The following EHBP1 variants were observed in gnomAD, a reference collection of about 807,000 sequenced individuals.
EHBP1 encodes the protein EH domain-binding protein 1.
In EHBP1, 55 loss-of-function variants were observed where a neutral mutation model predicts 144.0. The observed-to-expected ratio is 0.38, with a 90% CI of 0.31 to 0.48. The LOEUF (loss-of-function observed/expected upper bound fraction) is 0.48, where lower values mean the gene tolerates loss of function less well. Among genes scored for constraint, EHBP1 ranks in the 20% least tolerant of loss-of-function variants. The probability of loss-of-function intolerance (pLI) is 0.98; values close to 1 mark genes in which losing one functional copy is unlikely to be tolerated. For synonymous variants in EHBP1, 469 were observed against 472.7 expected (o/e 0.99, Z 0.10); for missense variants, 1,200 against 1,364.2 (o/e 0.88, Z 1.90).
intron 10 of EHBP1, among the ~76,000 whole-genome samples, chr2:62,882,258 GT>G (rs985116359): frequency 1.3e-5 from 2 of 152,162 alleles, no homozygotes; most frequent in Non-Finnish European, 2.9e-5. Context: ...TATATCACGT[GT>G]TTTTTTCCCC....
At position 62,948,548 on chromosome 2, in the gene EHBP1, G is replaced by A. The variant is rs778582026; in HGVS notation, c.1702G>A (p.Gly568Arg). The stretch of plus-strand genomic sequence containing the variant: ...GCCTGAACTACAACAGCCTATCAGC[G>A]GAGCAGTAGACTTCTTATCACAGGA... ...REPELQQPIS[G>R]AVDFLSQDDS... The change falls in exon 13 of 23, where the codon GGA becomes AGA. Residue 568 changes from glycine to arginine, a missense_variant. Physicochemically the swap from Gly to Arg is moderately radical, Grantham distance 125. This residue lies in a region of EHBP1 where 543 missense variants were observed against 513.1 expected (regional missense o/e 1.06). Coordinates refer to ENST00000431489, the MANE Select transcript of EHBP1 (RefSeq NM_001142616.3). 31 of 1,613,972 alleles carry A rather than the reference G, an allele frequency of 1.9e-5. No homozygotes were observed. The highest frequency in any genetic ancestry group is 6.7e-5 in the East Asian group (3 of 44,868).
At chr2:62,745,724 A>G (rs1438974839) in intron 2 of EHBP1, among the ~76,000 whole-genome samples, 1 of 152,000 alleles carries the variant, frequency 6.6e-6, no homozygotes, top group African/African-American at 2.4e-5. Context: ...AGATCATTTT[A>G]AGGAGTGAAG....
chr2:62,868,928 TG>T (rs2050250120), intron 9 of EHBP1, among the ~76,000 whole-genome samples: 1 of 152,174 alleles, frequency 6.6e-6, no homozygotes, highest in Admixed American at 6.5e-5. Context: ...CACTCCAGCC[TG>T]GGCAACGCTG....
chr2:62,766,591 T>C (rs1461497663), intron 4 of EHBP1, among the ~76,000 whole-genome samples: 1 of 152,156 alleles, frequency 6.6e-6, no homozygotes, highest in African/African-American at 2.4e-5. Context: ...TGGAGTGGAC[T>C]TGAGTAAGTT....
intron 7 of EHBP1, among the ~76,000 whole-genome samples, chr2:62,844,369 TAGATACATTTTACTGAG>T (rs1254820970): frequency 1.3e-5 from 2 of 152,300 alleles, no homozygotes; most frequent in South Asian, 2.1e-4. Flanking sequence ...GCTACTTCTA[TAGATACATTTTACTGAG>T]GTACAGCACC....
At chr2:62,960,382 C>A (rs1291077230) in intron 14 of EHBP1, among the ~76,000 whole-genome samples, 1 of 152,142 alleles carries the variant, frequency 6.6e-6, no homozygotes, top group Non-Finnish European at 1.5e-5. Context: ...TTGAAATACC[C>A]ATCTTCCCTT....
At chr2:62,933,272 GCTT>G in intron 10 of EHBP1, among the ~76,000 whole-genome samples, 1 of 152,010 alleles carries the variant, frequency 6.6e-6, no homozygotes, top group South Asian at 2.1e-4. Context: ...CTAATATCTG[GCTT>G]AATTGAAAAC....
At chr2:62,944,765 T>A (rs138115880) in intron 12 of EHBP1, among the ~76,000 whole-genome samples, 45 of 152,342 alleles carry the variant, frequency 3.0e-4, no homozygotes, top group African/African-American at 9.4e-4. Context: ...GGCCACAGGC[T>A]GACTTATCTG....
chr2:62,993,838 A>G, intron 17 of EHBP1, 33 bp from the exon 18 acceptor site: 1 of 1,483,742 alleles, frequency 6.7e-7, no homozygotes. Context: ...GCTTTACAAT[A>G]ATTTTACATG....
At chr2:62,950,175 A>AT (rs926600047) in intron 13 of EHBP1, among the ~76,000 whole-genome samples, 3 of 151,378 alleles carry the variant, frequency 2.0e-5, no homozygotes, top group African/African-American at 4.9e-5. Flanking sequence ...CATCAAAAGC[A>AT]TTGTTACAGT....
chr2:62,836,869 T>A (rs1358740402), intron 7 of EHBP1, among the ~76,000 whole-genome samples: 1 of 151,494 alleles, frequency 6.6e-6, no homozygotes, highest in East Asian at 1.9e-4. Flanking sequence ...CTGATTGGTG[T>A]ACCTGAAAGT....
chr2:62,778,125 A>G (rs1374005708), intron 5 of EHBP1, among the ~76,000 whole-genome samples: 1 of 152,168 alleles, frequency 6.6e-6, no homozygotes, highest in African/African-American at 2.4e-5. Context: ...ACTGTGACCC[A>G]TGAGATAGGA....
chr2:62,998,449 A>C (rs1436620940), intron 19 of EHBP1, among the ~76,000 whole-genome samples: 1 of 152,196 alleles, frequency 6.6e-6, no homozygotes, highest in African/African-American at 2.4e-5. Flanking sequence ...TTAAGGAGAC[A>C]GATTTCCTTT....
At chr2:63,039,492 G>T (rs898261042) in intron 21 of EHBP1, among the ~76,000 whole-genome samples, 1 of 151,896 alleles carries the variant, frequency 6.6e-6, no homozygotes, top group South Asian at 2.1e-4. Context: ...ATGTCTTATA[G>T]TTCAAAGATG....
intron 5 of EHBP1, among the ~76,000 whole-genome samples, chr2:62,785,377 A>G (rs1311721678): frequency 6.6e-6 from 1 of 152,222 alleles, no homozygotes. Context: ...GTGAACTGGG[A>G]CAGTGGCCTT....
intron 16 of EHBP1, among the ~76,000 whole-genome samples, chr2:62,993,252 T>TG (rs1162537005): frequency 6.6e-6 from 1 of 152,016 alleles, no homozygotes; most frequent in African/African-American, 2.4e-5. Flanking sequence ...CACAGAATAG[T>TG]GGGGGAAATA....
chr2:62,884,356 T>C (rs1185465255), intron 10 of EHBP1, among the ~76,000 whole-genome samples: 1 of 152,224 alleles, frequency 6.6e-6, no homozygotes, highest in Non-Finnish European at 1.5e-5. Flanking sequence ...GTATATGATA[T>C]GTACAAGATA....
intron 6 of EHBP1, among the ~76,000 whole-genome samples, chr2:62,828,587 C>T (rs1209692538): frequency 2.0e-5 from 3 of 151,892 alleles, no homozygotes; most frequent in Non-Finnish European, 4.4e-5. Flanking sequence ...CGGTTATGGC[C>T]CTGTTGGAAA....
At chr2:62,954,566 A>T (rs1169719755) in intron 13 of EHBP1, among the ~76,000 whole-genome samples, 1 of 152,168 alleles carries the variant, frequency 6.6e-6, no homozygotes, top group Non-Finnish European at 1.5e-5. Flanking sequence ...CTTTAAGTTT[A>T]TAGAAAAAAA....
Sources: allele counts gnomAD v4.1 joint callset (sites outside exome capture counted in the v4.1 genomes callset), GRCh38; gene constraint gnomAD v4.1.1; regional missense constraint gnomAD v4.1.1; transcripts MANE v1.5; gene names NCBI Gene and HGNC (gene_info 2026-07-23, HGNC 2026-07-21).